Variants in GRIK1 observed in about 807,000 individuals in gnomAD.
GRIK1 encodes glutamate receptor ionotropic, kainate 1.
In GRIK1, 69 loss-of-function variants were observed where a neutral mutation model predicts 105.7. That is an observed-to-expected ratio of 0.65 (90% confidence interval 0.54 to 0.80). GRIK1 has a LOEUF of 0.80. Ranked by LOEUF, GRIK1 falls within the 30% of genes least tolerant of loss-of-function variation. The probability of loss-of-function intolerance (pLI) is 0.00; values close to 1 mark genes in which losing one functional copy is unlikely to be tolerated. For missense variants in GRIK1, 1,109 were observed against 1,167.3 expected, an observed-to-expected ratio of 0.95 and a Z score of 0.73; for synonymous variants, 438 against 431.3, an observed-to-expected ratio of 1.02 and a Z score of -0.19.
chr21:29,921,738 G>A (rs992253771), intron 1 of GRIK1, among the ~76,000 whole-genome samples: 1 of 152,056 alleles, frequency 6.6e-6, no homozygotes, highest in Non-Finnish European at 1.5e-5. Context: ...CTGCACATAA[G>A]CTCACTTTAA....
At chr21:29,663,542 C>G (rs1348165228) in intron 4 of GRIK1, among the ~76,000 whole-genome samples, 5 of 152,274 alleles carry the variant, frequency 3.3e-5, no homozygotes, top group South Asian at 4.1e-4. Context: ...TTAGATACAG[C>G]TTTTCTTGTG....
At position 29,674,512 on chromosome 21, in the gene GRIK1, C is replaced by T. The variant is rs182287616; in HGVS notation, c.545-1348G>A. Among the ~76,000 whole-genome samples, 263 of 152,064 alleles carry T rather than the reference C, an allele frequency of 1.7e-3. 2 individuals carry two copies. Among genetic ancestry groups the T allele is most frequent in the Non-Finnish European group, 5.1e-4 (35 of 67,986 alleles). On this transcript the variant is annotated intron_variant, in intron 3 of 17. Coordinates refer to ENST00000327783, the MANE Select transcript of GRIK1 (RefSeq NM_001330994.2). ...CTGTGTCCCCACTCAAATCTTATCC[C>T]GAATTGTAATCCCCATGTGTCGGGG...
At chr21:29,770,446 G>A (rs189234238) in intron 1 of GRIK1, among the ~76,000 whole-genome samples, 1 of 152,300 alleles carries the variant, frequency 6.6e-6, no homozygotes, top group Admixed American at 6.5e-5. Context: ...CAGCACTTGT[G>A]GGATTGGGAC....
chr21:29,635,679 C>T (rs1487625303), intron 7 of GRIK1, among the ~76,000 whole-genome samples: 1 of 152,164 alleles, frequency 6.6e-6, no homozygotes, highest in African/African-American at 2.4e-5. Flanking sequence ...GGATTAGAGA[C>T]AACCCCAGAA....
chr21:29,894,610 A>G (rs1459560119), intron 1 of GRIK1, among the ~76,000 whole-genome samples: 17 of 152,150 alleles, frequency 1.1e-4, no homozygotes, highest in Admixed American at 1.1e-3. Context: ...CCACACAGAC[A>G]TGCCCAGAAA....
intron 4 of GRIK1, among the ~76,000 whole-genome samples, chr21:29,667,328 T>G (rs1045865209): frequency 2.4e-4 from 37 of 152,238 alleles, no homozygotes; most frequent in African/African-American, 8.9e-4. Context: ...ATGCACAAAA[T>G]TATTTGATTA....
chr21:29,555,785 T>G (rs2090237991), intron 15 of GRIK1, among the ~76,000 whole-genome samples: 1 of 152,126 alleles, frequency 6.6e-6, no homozygotes, highest in African/African-American at 2.4e-5. Flanking sequence ...AGATATCAAA[T>G]TATAAACAGA....
At chr21:29,766,451 T>C (rs2145717483) in intron 1 of GRIK1, among the ~76,000 whole-genome samples, 1 of 152,184 alleles carries the variant, frequency 6.6e-6, no homozygotes, top group South Asian at 2.1e-4. Flanking sequence ...TCTGTTGAGG[T>C]TGAGGAATCC....
intron 1 of GRIK1, among the ~76,000 whole-genome samples, chr21:29,909,850 G>A (rs897422998): frequency 3.3e-5 from 5 of 152,122 alleles, no homozygotes; most frequent in African/African-American, 1.2e-4. Context: ...AATCTTTATT[G>A]AAATAATTAC....
intron 7 of GRIK1, among the ~76,000 whole-genome samples, chr21:29,637,689 T>A (rs1452196914): frequency 6.6e-6 from 1 of 152,212 alleles, no homozygotes; most frequent in Non-Finnish European, 1.5e-5. Context: ...AGCACCTTGA[T>A]AGTGGACTTC....
At chr21:29,541,484 T>C (rs2089968211) in intron 16 of GRIK1, among the ~76,000 whole-genome samples, 1 of 151,946 alleles carries the variant, frequency 6.6e-6, no homozygotes, top group African/African-American at 2.4e-5. Flanking sequence ...GTCCAATGGG[T>C]GGCATATTTT....
At chr21:29,639,959 A>G (rs1256780109) in intron 7 of GRIK1, among the ~76,000 whole-genome samples, 1 of 152,166 alleles carries the variant, frequency 6.6e-6, no homozygotes, top group Non-Finnish European at 1.5e-5. Flanking sequence ...AGCTGGAAAC[A>G]TGTGTCTGAA....
At chr21:29,591,347 C>A (rs1453498607) in intron 9 of GRIK1, 122 bp from the exon 10 acceptor site, 4 of 722,648 alleles carry the variant, frequency 5.5e-6, no homozygotes, top group Non-Finnish European at 1.0e-5. Flanking sequence ...TGGGGCATCA[C>A]AGTGGAAGCT....
chr21:29,553,520 T>C (rs1020359465), intron 16 of GRIK1: 1 of 1,514,440 alleles, frequency 6.6e-7, no homozygotes, highest in Non-Finnish European at 8.8e-7. Flanking sequence ...AAACATTTTC[T>C]ACTGGGCACA....
At chr21:29,617,969 T>C (rs1218626138) in intron 7 of GRIK1, among the ~76,000 whole-genome samples, 1 of 152,364 alleles carries the variant, frequency 6.6e-6, no homozygotes, top group Non-Finnish European at 1.5e-5. Flanking sequence ...TGACATGTGA[T>C]ACTACTTATT....
intron 12 of GRIK1, among the ~76,000 whole-genome samples, chr21:29,585,056 G>T (rs1416627063): frequency 6.6e-6 from 1 of 152,100 alleles, no homozygotes; most frequent in Admixed American, 6.6e-5. Flanking sequence ...CTGTTTCCAA[G>T]TTTGCACTGG....
chr21:29,862,439 G>A (rs1230065710), intron 1 of GRIK1, among the ~76,000 whole-genome samples: 1 of 151,446 alleles, frequency 6.6e-6, no homozygotes, highest in African/African-American at 2.4e-5. Flanking sequence ...TTCTATCAGT[G>A]TATATTGTCT....
At chr21:29,858,542 C>A (rs2068535495) in intron 1 of GRIK1, among the ~76,000 whole-genome samples, 1 of 152,076 alleles carries the variant, frequency 6.6e-6, no homozygotes, top group Non-Finnish European at 1.5e-5. Context: ...AGAAAAATAC[C>A]CAGGTCTCCC....
intron 16 of GRIK1, chr21:29,553,565 T>C (rs780728039): frequency 6.3e-7 from 1 of 1,585,296 alleles, no homozygotes; most frequent in Non-Finnish European, 8.5e-7. Flanking sequence ...TTACACAGTA[T>C]GAACTGAGGA....
Sources: allele counts gnomAD v4.1 joint callset (sites outside exome capture counted in the v4.1 genomes callset), GRCh38; gene constraint gnomAD v4.1.1; transcripts MANE v1.5; gene names NCBI Gene and HGNC (gene_info 2026-07-23, HGNC 2026-07-21).